Variants in TENM3 observed in about 807,000 individuals in gnomAD.
TENM3 encodes the protein teneurin-3.
In TENM3, 63 loss-of-function variants were observed where a neutral mutation model predicts 255.1. The ratio of observed to expected loss-of-function variants is 0.25; its 90% confidence interval spans 0.20 to 0.30. The LOEUF is 0.30. TENM3 is among the 10% of genes least tolerant of loss of function. The pLI is 1.00. For missense variants in TENM3, 2,929 were observed against 3,461.1 expected (o/e 0.85, Z 3.86); for synonymous variants, 1,306 against 1,322.3 (o/e 0.99, Z 0.27).
At chr4:181,948,172 A>G in the TENM3 span, among the ~76,000 whole-genome samples, 1 of 152,150 alleles carries the variant, frequency 6.6e-6, no homozygotes, top group Non-Finnish European at 1.5e-5. Context: ...TCCAATTTCT[A>G]TGGAGGTTAC....
the TENM3 span, among the ~76,000 whole-genome samples, chr4:181,766,367 G>A: frequency 6.6e-6 from 1 of 152,176 alleles, no homozygotes; most frequent in African/African-American, 2.4e-5. Context: ...AGTGGATGTA[G>A]AGAATCGGGG....
At chr4:181,819,609 G>T in the TENM3 span, among the ~76,000 whole-genome samples, 1 of 152,306 alleles carries the variant, frequency 6.6e-6, no homozygotes, top group African/African-American at 2.4e-5. Context: ...TCCACAGATG[G>T]AGGGTGGCAG....
At chr4:181,505,469 C>T in the TENM3 span, among the ~76,000 whole-genome samples, 1 of 151,972 alleles carries the variant, frequency 6.6e-6, no homozygotes, top group African/African-American at 2.4e-5. Context: ...TTCTTTTTTC[C>T]TATTTTCCCC....
chr4:182,443,615 C>T (rs549845409), intron 3 of TENM3, among the ~76,000 whole-genome samples: 80 of 152,236 alleles, frequency 5.3e-4, no homozygotes, highest in African/African-American at 1.7e-3. Context: ...CCTACCTCAC[C>T]CCCTTCCCTC....
At chr4:182,732,293 C>G (rs1290635887) in intron 16 of TENM3, among the ~76,000 whole-genome samples, 3 of 152,146 alleles carry the variant, frequency 2.0e-5, no homozygotes, top group Admixed American at 1.3e-4. Flanking sequence ...ACTGACACCA[C>G]TCACTATTGC....
At chr4:182,752,106 T>C in intron 20 of TENM3, 74 bp downstream of exon 20, 1 of 943,330 alleles carries the variant, frequency 1.1e-6, no homozygotes, top group Non-Finnish European at 1.6e-6. Context: ...AAAATCCATT[T>C]AGTGCCTAGT....
At chr4:182,327,268 A>G (rs1312566915) in intron 2 of TENM3, among the ~76,000 whole-genome samples, 1 of 152,176 alleles carries the variant, frequency 6.6e-6, no homozygotes, top group Non-Finnish European at 1.5e-5. Context: ...TATTCATAGT[A>G]GCCAAATATC....
the TENM3 span, among the ~76,000 whole-genome samples, chr4:181,995,334 T>TA: frequency 6.6e-6 from 1 of 152,012 alleles, no homozygotes; most frequent in African/African-American, 2.4e-5. Flanking sequence ...TACAGTGAAT[T>TA]ACATCTGCCT....
At chr4:182,726,734 A>G (rs889679523) in intron 13 of TENM3, among the ~76,000 whole-genome samples, 19 of 152,264 alleles carry the variant, frequency 1.2e-4, no homozygotes, top group Middle Eastern at 3.4e-3. Context: ...TATTCTTCAG[A>G]TGGCCAAAAT....
chr4:181,990,482 A>G, the TENM3 span, among the ~76,000 whole-genome samples: 1 of 152,124 alleles, frequency 6.6e-6, no homozygotes, highest in Admixed American at 6.6e-5. Flanking sequence ...TCTAGCCACT[A>G]GATTTACAGA....
intron 2 of TENM3, among the ~76,000 whole-genome samples, chr4:182,344,492 A>T (rs1270747582): frequency 6.6e-6 from 1 of 152,104 alleles, no homozygotes; most frequent in Non-Finnish European, 1.5e-5. Flanking sequence ...AACTGTGTTT[A>T]CATACCTGGG....
At chr4:181,628,103 T>G in the TENM3 span, among the ~76,000 whole-genome samples, 26 of 152,222 alleles carry the variant, frequency 1.7e-4, no homozygotes, top group Non-Finnish European at 1.5e-5. Context: ...ATGAGCATTT[T>G]TTCATGTGTC....
the TENM3 span, among the ~76,000 whole-genome samples, chr4:181,725,417 TTTC>T: frequency 3.5e-4 from 22 of 62,612 alleles, no homozygotes; most frequent in African/African-American, 4.5e-4. Flanking sequence ...ATTCTTTTTC[TTTC>T]TTTTTTTTTT....
chr4:182,022,147 G>A, the TENM3 span, among the ~76,000 whole-genome samples: 37 of 147,158 alleles, frequency 2.5e-4, no homozygotes, highest in African/African-American at 5.1e-5. Flanking sequence ...ATCAATCTTG[G>A]TGCCCATCAA....
At chr4:181,688,781 G>T in the TENM3 span, among the ~76,000 whole-genome samples, 1 of 152,180 alleles carries the variant, frequency 6.6e-6, no homozygotes, top group Non-Finnish European at 1.5e-5. Context: ...GGGTTTAAGT[G>T]CATGTCTCCA....
chr4:181,483,123 T>C, the TENM3 span, among the ~76,000 whole-genome samples: 1 of 152,166 alleles, frequency 6.6e-6, no homozygotes, highest in Non-Finnish European at 1.5e-5. Flanking sequence ...AATTTGGGGC[T>C]TTCTACTGGA....
the TENM3 span, among the ~76,000 whole-genome samples, chr4:182,114,191 A>C: frequency 2.1e-3 from 321 of 152,330 alleles, no homozygotes; most frequent in African/African-American, 7.4e-3. Context: ...AATCATGTGC[A>C]GTTGTTAGAA....
chr4:182,429,494 C>T (rs902080829), intron 3 of TENM3, among the ~76,000 whole-genome samples: 2 of 152,094 alleles, frequency 1.3e-5, no homozygotes, highest in Non-Finnish European at 2.9e-5. Context: ...ACTTATATCA[C>T]AGCTATATTT....
chr4:182,308,031 TACTG>T (rs1281762173), intron 1 of TENM3, among the ~76,000 whole-genome samples: 1 of 152,230 alleles, frequency 6.6e-6, no homozygotes, highest in Non-Finnish European at 1.5e-5. Context: ...CATTTTTATC[TACTG>T]ACTAGGTCCA....
Sources: gnomAD v4.1 joint callset for allele counts (sites outside exome capture counted in the v4.1 genomes callset) on GRCh38, gnomAD v4.1.1 for gene constraint, MANE v1.5 for transcripts, NCBI Gene and HGNC (gene_info 2026-07-23, HGNC 2026-07-21) for gene names.